The following DLEC1 variants were observed in gnomAD, a reference collection of about 807,000 sequenced individuals.
DLEC1 encodes the protein deleted in lung and esophageal cancer protein 1.
DLEC1 carries 146 observed loss-of-function variants against 198.1 expected under a neutral mutation model. That is an observed-to-expected ratio of 0.74 (90% confidence interval 0.64 to 0.85). DLEC1 has a LOEUF of 0.85. Ranked by LOEUF, DLEC1 falls within the 40% of genes least tolerant of loss-of-function variation. The probability of loss-of-function intolerance (pLI) is 0.00; values close to 1 mark genes in which losing one functional copy is unlikely to be tolerated. For synonymous variants in DLEC1, 897 were observed against 866.8 expected, an observed-to-expected ratio of 1.03 and a Z score of -0.61; for missense variants, 2,233 against 2,220.0, an observed-to-expected ratio of 1.01 and a Z score of -0.12.
At chr3:38,061,996 A>C (rs1194610789) in intron 3 of DLEC1, among the ~76,000 whole-genome samples, 173 bp from the exon 4 acceptor site, 1 of 152,234 alleles carries the variant, frequency 6.6e-6, no homozygotes, top group African/African-American at 2.4e-5. Context: ...ACATAGAATA[A>C]GTTCCAGGAG....
At chr3:38,079,070 G>T (rs1697804069) in intron 6 of DLEC1, among the ~76,000 whole-genome samples, 1 of 152,156 alleles carries the variant, frequency 6.6e-6, no homozygotes, top group Admixed American at 6.5e-5. Flanking sequence ...ATGGTAAGGG[G>T]TGCATGATCG....
At chr3:38,052,191 A>G in intron 2 of DLEC1, 1 of 437,246 alleles carries the variant, frequency 2.3e-6, no homozygotes. Context: ...TCTCAGAAAT[A>G]ATTTCATCCA....
intron 26 of DLEC1, among the ~76,000 whole-genome samples, chr3:38,114,779 T>A (rs976396058): frequency 1.3e-5 from 2 of 152,110 alleles, no homozygotes; most frequent in African/African-American, 4.8e-5. Flanking sequence ...GGTGGGTGGG[T>A]TGCCAGGGCA....
At chr3:38,061,048 C>A (rs1455887473) in intron 3 of DLEC1, among the ~76,000 whole-genome samples, 1 of 152,146 alleles carries the variant, frequency 6.6e-6, no homozygotes, top group Non-Finnish European at 1.5e-5. Flanking sequence ...AAGAATGGGG[C>A]TAACATGTAT....
At position 38,041,411 on chromosome 3, in the gene DLEC1, G is replaced by A. The variant is rs1267109404; in HGVS notation, c.411+1775G>A. 9.9e-5 allele frequency among the ~76,000 whole-genome samples: 15 copies of A among 152,142 alleles called. No individual in the cohort carries two copies. The East Asian group carries it at 1.4e-3, about 14-fold the overall frequency. ...TTCCACCTCAGCCTCTCCAGATGCC[G>A]GTATTACAGGTGTGAGCCACTGTGC... is the stretch of plus-strand genomic sequence containing the variant. On this transcript the variant is annotated intron_variant, in intron 1 of 36. Coordinates refer to ENST00000308059, the MANE Select transcript of DLEC1 (RefSeq NM_007335.4).
chr3:38,112,919 C>T lies in DLEC1; in HGVS notation c.3666+558C>T, dbSNP rs1259932567. Among the ~76,000 whole-genome samples, 1 of 152,138 alleles carries T rather than the reference C, an allele frequency of 6.6e-6. No individual in the cohort carries two copies. Among genetic ancestry groups the T allele is most frequent in the Non-Finnish European group, 1.5e-5 (1 of 68,022 alleles). ...AGGGATGAAACCTGCATACGTTATC[C>T]TACCGTTAAGTTGTTAAATAGAAGA... On this transcript the variant is annotated intron_variant, in intron 25 of 36. Transcript: ENST00000308059. The surrounding 1 kb of genome is among the most constrained non-coding windows in gnomAD (Gnocchi z 4.8).
At chr3:38,059,891 G>T in intron 3 of DLEC1, 39 bp downstream of exon 3, 1 of 1,588,746 alleles carries the variant, frequency 6.3e-7, no homozygotes. Flanking sequence ...GATACCATTT[G>T]GGGGAAGTTC....
At chr3:38,065,011 G>A (rs369101129) in intron 6 of DLEC1, among the ~76,000 whole-genome samples, 5 of 152,166 alleles carry the variant, frequency 3.3e-5, no homozygotes, top group African/African-American at 7.2e-5. Context: ...AGGTTGTAGC[G>A]AGCCGAGATC....
intron 6 of DLEC1, among the ~76,000 whole-genome samples, chr3:38,076,541 A>G (rs1697631728): frequency 6.6e-6 from 1 of 152,146 alleles, no homozygotes; most frequent in South Asian, 2.1e-4. Context: ...AGCCAGGAAA[A>G]GGACTTTCAC....
At chr3:38,055,058 G>C (rs1331145513) in intron 2 of DLEC1, among the ~76,000 whole-genome samples, 3 of 152,198 alleles carry the variant, frequency 2.0e-5, no homozygotes, top group African/African-American at 4.8e-5. Flanking sequence ...TGAAACTGTG[G>C]GTTTAACAAC....
At chr3:38,043,805 C>T (rs985722104) in intron 1 of DLEC1, among the ~76,000 whole-genome samples, 12 of 152,100 alleles carry the variant, frequency 7.9e-5, no homozygotes, top group African/African-American at 2.9e-4. Context: ...GTGATTCTCC[C>T]GCCTCAGCCT....
chr3:38,067,752 C>CTTTTT (rs34213412), intron 6 of DLEC1, among the ~76,000 whole-genome samples: 3 of 123,736 alleles, frequency 2.4e-5, no homozygotes, highest in Non-Finnish European at 3.3e-5. Context: ...AGTATCTGCA[C>CTTTTT]TTTTTTTTTT....
At chr3:38,077,868 T>C (rs914404357) in intron 6 of DLEC1, among the ~76,000 whole-genome samples, 6 of 152,096 alleles carry the variant, frequency 3.9e-5, no homozygotes, top group Non-Finnish European at 8.8e-5. Context: ...TGAGGAGTAG[T>C]AGAATAGCAG....
intron 23 of DLEC1, among the ~76,000 whole-genome samples, 171 bp from the exon 24 acceptor site, chr3:38,111,506 C>T (rs1196978655): frequency 6.6e-6 from 1 of 152,140 alleles, no homozygotes; most frequent in Non-Finnish European, 1.5e-5. Context: ...GGAGCAAAGA[C>T]CAGAGAAGGA....
chr3:38,082,806 G>A (rs28702517), intron 6 of DLEC1, among the ~76,000 whole-genome samples: 51,378 of 151,742 alleles, frequency 0.34, 8,997 homozygotes, highest in East Asian at 0.53. Flanking sequence ...GGGACTTGCC[G>A]CTAAGGGTGA....
chr3:38,039,450 C>T lies in DLEC1; in HGVS notation c.225C>T (p.Pro75=). 6.2e-7 allele frequency: 1 copy of T among 1,613,934 alleles called. No individual in the cohort carries two copies. The highest frequency in any genetic ancestry group is 8.5e-7 in the Non-Finnish European group (1 of 1,179,850). The change falls in exon 1 of 37, where the codon CCC becomes CCT. Residue 75 remains proline, a synonymous_variant. Transcript: ENST00000308059. ...RLTQLALAQR[P]EPQLLRLRPS... ...CGCAGCTTGCGCTGGCGCAGCGTCC[C>T]GAGCCTCAGCTGCTTCGTCTGCGCC...
At chr3:38,097,386 G>A (rs982517637) in intron 16 of DLEC1, 111 bp downstream of exon 16, 1 of 1,553,388 alleles carries the variant, frequency 6.4e-7, no homozygotes, top group East Asian at 2.3e-5. Context: ...TGACTGCTCT[G>A]GCTGAGGCCT....
At chr3:38,064,160 C>A (rs1013662634) in intron 6 of DLEC1, among the ~76,000 whole-genome samples, 14 of 151,838 alleles carry the variant, frequency 9.2e-5, no homozygotes, top group African/African-American at 3.4e-4. Context: ...GCCCTGCCGC[C>A]TTCCGCAGTG....
rs1241673672 is a variant in DLEC1 at position 38,114,989 on chromosome 3, C to T, written c.3792C>T (p.Gly1264=). The T allele has an allele frequency of 6.2e-7, 1 of 1,613,480 alleles. No homozygotes were observed. The change falls in exon 27 of 37, where the codon GGC becomes GGT. Residue 1264 remains glycine (G), a synonymous_variant. Coordinates refer to ENST00000308059, the MANE Select transcript of DLEC1 (RefSeq NM_007335.4). ...QAQKEPAMRF[G]TQVSGGDTVT... ...CCAGTCTGTCCCCCTCCAGGTTCGGCACCCAGGTCTCCGGAGGAGACACAG... is the reference window on the plus strand; with the variant it reads ...CCAGTCTGTCCCCCTCCAGGTTCGGTACCCAGGTCTCCGGAGGAGACACAG...
Sources: gnomAD v4.1 joint callset for allele counts (sites outside exome capture counted in the v4.1 genomes callset) on GRCh38, gnomAD v4.1.1 for gene constraint, Gnocchi (gnomAD v3.1) non-coding constraint, MANE v1.5 for transcripts, NCBI Gene and HGNC (gene_info 2026-07-23, HGNC 2026-07-21) for gene names.